The following RARB variants were observed in gnomAD, a reference collection of about 807,000 sequenced individuals.
RARB encodes the protein HBV-activated protein.
A neutral mutation model predicts 51.9 loss-of-function variants in RARB; 17 were observed. The observed-to-expected ratio is 0.33, with a 90% confidence interval of 0.22 to 0.49. The LOEUF (loss-of-function observed/expected upper bound fraction) is 0.49. Ranked by LOEUF, RARB falls within the 20% of genes least tolerant of loss-of-function variation. The pLI, the probability that RARB is intolerant of heterozygous loss-of-function variation, is 0.99. For missense variants in RARB, 369 were observed against 550.8 expected (o/e 0.67, Z 3.30); for synonymous variants, 215 against 195.4 (o/e 1.10, Z -0.84).
At chr3:24,889,788 T>C (rs1703342519) in intron 2 of RARB, among the ~76,000 whole-genome samples, 1 of 151,684 alleles carries the variant, frequency 6.6e-6, no homozygotes, top group Non-Finnish European at 1.5e-5. Flanking sequence ...TTGTTTATAC[T>C]TTGAAATGTG....
chr3:25,026,369 T>C (rs1028794340), intron 2 of RARB, among the ~76,000 whole-genome samples: 13 of 152,194 alleles, frequency 8.5e-5, no homozygotes, highest in Admixed American at 3.3e-4. Context: ...CTCACAATTT[T>C]GGGGGCTACA....
At chr3:24,889,941 T>C (rs903161603) in intron 2 of RARB, among the ~76,000 whole-genome samples, 3 of 151,726 alleles carry the variant, frequency 2.0e-5, no homozygotes, top group Non-Finnish European at 4.4e-5. Flanking sequence ...ACTCAAAAGT[T>C]TCTTGGATAG....
At chr3:25,062,653 C>A (rs1198366180) in intron 3 of RARB, among the ~76,000 whole-genome samples, 1 of 151,702 alleles carries the variant, frequency 6.6e-6, no homozygotes, top group Non-Finnish European at 1.5e-5. Flanking sequence ...GTGAAAGAAG[C>A]CAGTGCAAAA....
chr3:25,410,960 A>G (rs970232622), intron 5 of RARB, among the ~76,000 whole-genome samples: 4 of 152,250 alleles, frequency 2.6e-5, no homozygotes, highest in African/African-American at 9.6e-5. Flanking sequence ...TTAAAGCCTT[A>G]CAGAAGCATT....
intron 5 of RARB, among the ~76,000 whole-genome samples, chr3:25,256,216 C>T (rs1399364551): frequency 6.6e-6 from 1 of 152,096 alleles, no homozygotes; most frequent in Non-Finnish European, 1.5e-5. Flanking sequence ...AGCAGATGAA[C>T]CAATATTCCA....
intron 4 of RARB, among the ~76,000 whole-genome samples, chr3:25,572,851 C>T (rs1373344405): frequency 6.6e-6 from 1 of 152,142 alleles, no homozygotes; most frequent in East Asian, 1.9e-4. Flanking sequence ...CCAAGTCAAT[C>T]CCCAGACCCT....
chr3:25,596,262 C>A (rs984196071), intron 7 of RARB, among the ~76,000 whole-genome samples, 158 bp from the exon 8 acceptor site: 70 of 151,980 alleles, frequency 4.6e-4, no homozygotes, highest in African/African-American at 1.4e-3. Context: ...ATCGATAGAT[C>A]TTTTTCAACA....
intron 2 of RARB, among the ~76,000 whole-genome samples, chr3:25,047,637 C>T (rs1698243929): frequency 6.6e-6 from 1 of 152,150 alleles, no homozygotes; most frequent in South Asian, 2.1e-4. Flanking sequence ...ATGCTAAGTG[C>T]TCTCTCTCAA....
chr3:24,963,099 A>G (rs1477096526), intron 2 of RARB, among the ~76,000 whole-genome samples: 2 of 152,138 alleles, frequency 1.3e-5, no homozygotes, highest in African/African-American at 4.8e-5. Context: ...TCTCTTCTAG[A>G]TGCCTCAGGA....
At chr3:24,868,813 C>T (rs2125347661) in intron 2 of RARB, among the ~76,000 whole-genome samples, 1 of 152,286 alleles carries the variant, frequency 6.6e-6, no homozygotes, top group East Asian at 1.9e-4. Context: ...AACAGAAAAT[C>T]TTTATCTACC....
At chr3:24,840,205 G>T (rs1001853278) in intron 1 of RARB, among the ~76,000 whole-genome samples, 2 of 152,184 alleles carry the variant, frequency 1.3e-5, no homozygotes, top group African/African-American at 4.8e-5. Flanking sequence ...CAAGATTCTA[G>T]ATCTGGACAC....
chr3:25,596,788 T>A lies in RARB; in HGVS notation c.*172T>A. 2.1e-6 allele frequency: 1 copy of A among 466,102 alleles called. No individual in the cohort carries two copies. The highest frequency in any genetic ancestry group is 3.6e-6 in the Non-Finnish European group (1 of 278,908). 28.9% of individuals were successfully genotyped at this position (466,102 alleles called of 1,614,324 possible). ...ATATATATACTCCTCACTGTGTAAC[T>A]TACCTAGAAATACAAACTTTTCCAA... On this transcript the variant is annotated 3_prime_UTR_variant, in exon 8 of 8. Coordinates refer to ENST00000330688, the MANE Select transcript of RARB (RefSeq NM_000965.5).
chr3:25,136,729 G>C (rs1243203107), intron 4 of RARB, among the ~76,000 whole-genome samples: 1 of 151,956 alleles, frequency 6.6e-6, no homozygotes, highest in African/African-American at 2.4e-5. Flanking sequence ...GGTGTAGTAG[G>C]ACTGGATTTC....
intron 2 of RARB, among the ~76,000 whole-genome samples, chr3:24,879,247 G>A (rs1344545332): frequency 1.3e-5 from 2 of 151,582 alleles, no homozygotes; most frequent in East Asian, 4.0e-4. Flanking sequence ...GGCTAACACA[G>A]TGAAACCCCA....
intron 4 of RARB, among the ~76,000 whole-genome samples, chr3:25,133,513 A>G (rs1699985030): frequency 6.6e-6 from 1 of 152,024 alleles, no homozygotes; most frequent in East Asian, 1.9e-4. Context: ...GATCAGTGAC[A>G]TGGTTTACTG....
chr3:25,295,328 G>A (rs986554282), intron 5 of RARB, among the ~76,000 whole-genome samples: 8 of 152,162 alleles, frequency 5.3e-5, no homozygotes, highest in Non-Finnish European at 1.5e-5. Context: ...TGGCATTAGT[G>A]CCCCTATAAA....
chr3:25,102,153 G>A (rs544777402), intron 3 of RARB, among the ~76,000 whole-genome samples: 35 of 152,150 alleles, frequency 2.3e-4, no homozygotes, highest in Non-Finnish European at 4.9e-4. Flanking sequence ...ATGCACGTTA[G>A]CATTTCTGCA....
chr3:25,529,188 GA>G (rs888186042), intron 3 of RARB, among the ~76,000 whole-genome samples: 145 of 151,956 alleles, frequency 9.5e-4, no homozygotes, highest in African/African-American at 3.3e-3. Context: ...TAGTGACCCA[GA>G]AAAAAATATA....
chr3:25,447,530 G>A (rs1317929512), intron 1 of RARB, among the ~76,000 whole-genome samples: 2 of 152,204 alleles, frequency 1.3e-5, no homozygotes, highest in African/African-American at 4.8e-5. Context: ...TGATGTTGCT[G>A]ACTGATAATC....
Sources: gnomAD v4.1 joint callset for allele counts (sites outside exome capture counted in the v4.1 genomes callset) on GRCh38, gnomAD v4.1.1 for gene constraint, MANE v1.5 for transcripts, NCBI Gene and HGNC (gene_info 2026-07-23, HGNC 2026-07-21) for gene names.